PAWR: variants seen among roughly 807,000 people sequenced by gnomAD.
The protein encoded by PAWR is PRKC apoptosis WT1 regulator protein.
PAWR carries 23 observed loss-of-function variants against 32.0 expected under a neutral mutation model. That is an observed-to-expected ratio of 0.72 (90% CI 0.52 to 1.02). The LOEUF (loss-of-function observed/expected upper bound fraction) is 1.02. Ranked by LOEUF, PAWR falls within the 50% of genes least tolerant of loss-of-function variation. PAWR has a pLI of 0.00. For synonymous variants in PAWR, 226 were observed against 187.1 expected, an observed-to-expected ratio of 1.21 and a Z score of -1.70; for missense variants, 457 against 437.7, an observed-to-expected ratio of 1.04 and a Z score of -0.39.
chr12:79,606,802 C>A (rs987849764), intron 4 of PAWR, among the ~76,000 whole-genome samples: 2 of 152,222 alleles, frequency 1.3e-5, no homozygotes, highest in South Asian at 4.1e-4. Flanking sequence ...TTTAATCATA[C>A]AAGTCATTAA....
At chr12:79,643,896 T>C (rs1876449601) in intron 2 of PAWR, among the ~76,000 whole-genome samples, 1 of 152,206 alleles carries the variant, frequency 6.6e-6, no homozygotes, top group African/African-American at 2.4e-5. Context: ...AATATTTCAC[T>C]GACATTGGAC....
At chr12:79,629,067 C>G (rs934111885) in intron 2 of PAWR, among the ~76,000 whole-genome samples, 3 of 151,794 alleles carry the variant, frequency 2.0e-5, no homozygotes, top group Non-Finnish European at 2.9e-5. Context: ...TTAAACAATA[C>G]TCAACACAAA....
intron 4 of PAWR, chr12:79,604,333 TG>T: frequency 9.9e-7 from 1 of 1,006,996 alleles, no homozygotes; most frequent in African/African-American, 1.7e-5. Flanking sequence ...CACCCCTTAC[TG>T]GAAGTTTTCC....
chr12:79,596,625 A>G lies in PAWR; in HGVS notation c.717T>C (p.Ser239=). 1 of 1,599,700 alleles carries G rather than the reference A, an allele frequency of 6.3e-7. No individual in the cohort carries two copies. Among genetic ancestry groups the G allele is most frequent in the Non-Finnish European group, 8.5e-7 (1 of 1,171,062 alleles). The change falls in exon 5 of 7, where the codon AGT becomes AGC. Residue 239 remains serine, a synonymous_variant. Coordinates refer to ENST00000328827, the MANE Select transcript of PAWR (RefSeq NM_002583.4). ...TTSVSEEDVS[S]RYSRTDRSGF... is the part of the protein sequence containing the mutation. Reference sequence around the variant, plus strand: ...CACTTCTATCTGTTCGAGAATATCTACTTGAGACATCTTCTTCAGAGACAC... The same window carrying G: ...CACTTCTATCTGTTCGAGAATATCTGCTTGAGACATCTTCTTCAGAGACAC...
Position 79,690,417 on chromosome 12 carries a change from G to A in PAWR, c.-147-26C>T, listed in dbSNP as rs1219978512. The A allele has an allele frequency of 4.6e-6, 6 of 1,293,954 alleles. No individual in the cohort carries two copies. In the East Asian group the frequency reaches 9.5e-5, roughly 20 times the overall value. 80.2% of individuals were successfully genotyped at this position (1,293,954 alleles called of 1,614,324 possible). A position where few individuals can be genotyped will look rare whatever the true frequency, so the allele number is the denominator to read the frequency against. ...CTGAGGTGAAAGACAAAAGGGGGCG[G>A]GTAAGGGAAGCGTAAGATCCCCGCC... On this transcript the variant is annotated intron_variant, in intron 1 of 6. Transcript: ENST00000328827.
chr12:79,588,622 C>T lies in PAWR; in HGVS notation c.*3985G>A, dbSNP rs879834597. The T allele has an allele frequency of 2.6e-5, 4 of 151,932 alleles. No homozygotes were observed. Among genetic ancestry groups the T allele is most frequent in the Admixed American group, 2.6e-4 (4 of 15,260 alleles). 9.4% of individuals were successfully genotyped at this position (151,932 alleles called of 1,614,324 possible). On this transcript the variant is annotated 3_prime_UTR_variant, in exon 7 of 7. Coordinates refer to ENST00000328827, the MANE Select transcript of PAWR (RefSeq NM_002583.4). The stretch of plus-strand genomic sequence containing the variant: ...CTGCATTTTGTGCTACTGACATGCA[C>T]TATATAGATCGTACACTACTAGATG...
chr12:79,633,540 T>C (rs1465518439), intron 2 of PAWR, among the ~76,000 whole-genome samples: 3 of 152,146 alleles, frequency 2.0e-5, no homozygotes, highest in Non-Finnish European at 4.4e-5. Flanking sequence ...TTTTCTTTTA[T>C]AAACAGCCCT....
chr12:79,628,900 C>T (rs971158540), intron 2 of PAWR, among the ~76,000 whole-genome samples: 1 of 151,934 alleles, frequency 6.6e-6, no homozygotes, highest in Non-Finnish European at 1.5e-5. Context: ...GTGTAAGATT[C>T]TTACACTATA....
intron 4 of PAWR, among the ~76,000 whole-genome samples, chr12:79,610,384 G>A (rs570460677): frequency 5.3e-5 from 8 of 152,200 alleles, no homozygotes; most frequent in South Asian, 2.1e-4. Flanking sequence ...TTTGCATTTC[G>A]AAAGCAAGCA....
intron 2 of PAWR, among the ~76,000 whole-genome samples, chr12:79,650,378 T>A (rs919293437): frequency 6.6e-6 from 1 of 152,134 alleles, no homozygotes; most frequent in African/African-American, 2.4e-5. Context: ...AAATTTTTGG[T>A]TTTTTATTCC....
intron 2 of PAWR, among the ~76,000 whole-genome samples, chr12:79,630,315 A>AT (rs60905491): frequency 6.8e-4 from 102 of 150,930 alleles, no homozygotes; most frequent in Admixed American, 2.2e-3. Flanking sequence ...ATATATATAT[A>AT]TTTTTTTTGA....
chr12:79,623,427 C>T (rs766741929), intron 2 of PAWR, among the ~76,000 whole-genome samples: 68 of 151,806 alleles, frequency 4.5e-4, no homozygotes, highest in Non-Finnish European at 8.8e-4. Context: ...GAAGAATAGG[C>T]GATTTTAACA....
intron 4 of PAWR, among the ~76,000 whole-genome samples, chr12:79,600,897 CTG>C (rs1359578260): frequency 1.3e-5 from 2 of 152,142 alleles, no homozygotes; most frequent in Admixed American, 1.3e-4. Context: ...ACTCTATATC[CTG>C]TTCGCAGAGT....
At chr12:79,681,143 G>T (rs1485492863) in intron 2 of PAWR, among the ~76,000 whole-genome samples, 1 of 137,548 alleles carries the variant, frequency 7.3e-6, no homozygotes, top group East Asian at 2.2e-4. Flanking sequence ...GGAGGGGAGG[G>T]GTGGGGAGGG....
chr12:79,630,858 CAAAAA>C (rs74262476), intron 2 of PAWR, among the ~76,000 whole-genome samples: 2 of 105,418 alleles, frequency 1.9e-5, no homozygotes, highest in African/African-American at 3.0e-5. Flanking sequence ...GTACCAAAAC[CAAAAA>C]AAAAAAAAAA....
rs1272192364 is a variant in PAWR, at chr12:79,690,158, C to A, written c.87G>T (p.Lys29Asn). ...FLEEWKAKREKMRAKQNPPGP... is the reference protein window; with the variant it reads ...FLEEWKAKRENMRAKQNPPGP... ...CCGGGGGGTTCTGCTTGGCGCGCAT[C>A]TTCTCGCGTTTCGCCTTCCACTCCT... The change falls in exon 2 of 7, where the codon AAG becomes AAT. Residue 29 changes from lysine (K) to asparagine (N), a missense_variant. Transcript: ENST00000328827. The A allele has an allele frequency of 1.3e-6, 2 of 1,528,166 alleles. No individual in the cohort carries two copies. The highest frequency in any genetic ancestry group is 1.8e-6 in the Non-Finnish European group (2 of 1,140,840). The allele number at this position is 1,528,166 out of a possible 1,614,324, so 94.7% of individuals were successfully genotyped here. A position where few individuals can be genotyped will look rare whatever the true frequency, so the allele number is the denominator to read the frequency against.
chr12:79,613,367 C>G (rs1387498233), intron 4 of PAWR, among the ~76,000 whole-genome samples: 1 of 152,152 alleles, frequency 6.6e-6, no homozygotes, highest in African/African-American at 2.4e-5. Context: ...TGCAAATTCA[C>G]AGTGAGTTTT....
chr12:79,629,645 A>T (rs545644038), intron 2 of PAWR, among the ~76,000 whole-genome samples: 93 of 151,742 alleles, frequency 6.1e-4, no homozygotes, highest in South Asian at 2.3e-3. Context: ...TTTATAGAAC[A>T]CTCCCCCCAC....
chr12:79,594,406 G>T lies in PAWR; in HGVS notation c.859C>A (p.Leu287Ile). 6.4e-7 allele frequency: 1 copy of T among 1,555,092 alleles called. No individual in the cohort carries two copies. Among genetic ancestry groups the T allele is most frequent in the Non-Finnish European group, 8.8e-7 (1 of 1,137,448 alleles). The change falls in exon 6 of 7, where the codon CTA (leucine) becomes ATA (isoleucine). Residue 287 changes from leucine to isoleucine, a missense_variant. Physicochemically the swap from Leu to Ile is conservative, Grantham distance 5. Coordinates refer to ENST00000328827, the MANE Select transcript of PAWR (RefSeq NM_002583.4). ...TCTTGCATCAGTCTCACAAGTCTTAGGTTTTCTTGTCTTTCTCTTACTACT... is the reference window on the plus strand; with the variant it reads ...TCTTGCATCAGTCTCACAAGTCTTATGTTTTCTTGTCTTTCTCTTACTACT... ...KEVVRERQEN[L>I]RLVRLMQDKE...
Sources: allele counts gnomAD v4.1 joint callset (sites outside exome capture counted in the v4.1 genomes callset), GRCh38; gene constraint gnomAD v4.1.1; transcripts MANE v1.5; gene names NCBI Gene and HGNC (gene_info 2026-07-23, HGNC 2026-07-21).